Variants in SMG6 observed in about 807,000 individuals in gnomAD.
SMG6 encodes SMG6 nonsense mediated mRNA decay factor.
A neutral mutation model predicts 142.2 loss-of-function variants in SMG6; 66 were observed. The ratio of observed to expected loss-of-function variants is 0.46; its 90% CI spans 0.38 to 0.57. The LOEUF (loss-of-function observed/expected upper bound fraction) is 0.57. SMG6 is among the 20% of genes least tolerant of loss of function. SMG6 has a pLI of 0.00. For synonymous variants in SMG6, 779 were observed against 702.4 expected (o/e 1.11, Z -1.72); for missense variants, 1,793 against 1,832.0 (o/e 0.98, Z 0.39).
intron 8 of SMG6, among the ~76,000 whole-genome samples, chr17:2,259,202 G>A (rs181718290): frequency 9.9e-5 from 15 of 151,892 alleles, no homozygotes; most frequent in African/African-American, 2.9e-4. Context: ...TTCTTTCACC[G>A]AGAGACCACC....
At chr17:2,147,389 T>A (rs771950663) in intron 13 of SMG6, among the ~76,000 whole-genome samples, 69 of 151,746 alleles carry the variant, frequency 4.5e-4, no homozygotes, top group Non-Finnish European at 8.8e-4. Context: ...CAAGACTACA[T>A]CTCAAAAAAA....
intron 10 of SMG6, chr17:2,235,977 C>T (rs117944276): frequency 0.015 from 2,343 of 152,240 alleles, 26 homozygotes; most frequent in Non-Finnish European, 0.021. Flanking sequence ...TTTTGTGCTT[C>T]CAGATTTGAG....
intron 8 of SMG6, among the ~76,000 whole-genome samples, chr17:2,254,024 G>A (rs537806370): frequency 2.6e-5 from 4 of 152,332 alleles, no homozygotes; most frequent in African/African-American, 9.6e-5. Flanking sequence ...GTGACAATCT[G>A]TAACAACCAA....
chr17:2,087,064 G>A (rs945718452), intron 13 of SMG6: 2 of 1,290,348 alleles, frequency 1.5e-6, no homozygotes, highest in African/African-American at 1.5e-5. Flanking sequence ...AGCACATAGG[G>A]AAGTACTAAC....
chr17:2,157,319 G>A (rs1390478483), intron 13 of SMG6, among the ~76,000 whole-genome samples: 3 of 152,280 alleles, frequency 2.0e-5, no homozygotes, highest in African/African-American at 4.8e-5. Context: ...ACCAGGCCTC[G>A]CTCTGTTTTC....
At chr17:2,155,353 C>T (rs751062706) in intron 13 of SMG6, among the ~76,000 whole-genome samples, 1 of 151,870 alleles carries the variant, frequency 6.6e-6, no homozygotes, top group Non-Finnish European at 1.5e-5. Context: ...TGAGCCACGG[C>T]GAATGAACCA....
At chr17:2,226,565 C>T (rs540639041) in intron 10 of SMG6, among the ~76,000 whole-genome samples, 2 of 147,288 alleles carry the variant, frequency 1.4e-5, no homozygotes, top group Middle Eastern at 4.2e-3. Context: ...GGCGACAGTA[C>T]GAGACTCTGT....
rs2072000994 is a variant in SMG6, at chr17:2,186,781, A to G, written c.3037T>C (p.Ser1013Pro). Reference protein sequence around the residue: ...DQDDQDDIKVSSFVPDLKELL... With the variant: ...DQDDQDDIKVPSFVPDLKELL... Reference sequence around the variant, plus strand: ...TCCTTCAGGTCCGGGACAAAGGAAGACACCTTGATGTCGTCTTGGTCATCC... The same window carrying G: ...TCCTTCAGGTCCGGGACAAAGGAAGGCACCTTGATGTCGTCTTGGTCATCC... Residue 1013 changes from serine to proline, a missense_variant, in exon 12 of 19, where the codon TCT becomes CCT. By Grantham distance (74) the Ser-to-Pro change is moderately conservative. Coordinates refer to ENST00000263073, the MANE Select transcript of SMG6 (RefSeq NM_017575.5). The G allele has an allele frequency of 6.2e-7, 1 of 1,614,232 alleles. No homozygotes were observed. Among genetic ancestry groups the G allele is most frequent in the African/African-American group, 1.3e-5 (1 of 75,066 alleles).
At chr17:2,174,759 C>A (rs1234562988) in intron 12 of SMG6, among the ~76,000 whole-genome samples, 1 of 152,152 alleles carries the variant, frequency 6.6e-6, no homozygotes, top group Admixed American at 6.5e-5. Context: ...CCGGGTTTGG[C>A]TGTCAGAAAT....
chr17:2,116,935 G>T (rs2069525783), intron 13 of SMG6, among the ~76,000 whole-genome samples: 1 of 151,644 alleles, frequency 6.6e-6, no homozygotes, highest in Non-Finnish European at 1.5e-5. Flanking sequence ...CCCAGAAGAG[G>T]GTATTCAAAT....
chr17:2,091,059 C>G (rs1205088338), intron 13 of SMG6, among the ~76,000 whole-genome samples: 1 of 152,188 alleles, frequency 6.6e-6, no homozygotes, highest in Non-Finnish European at 1.5e-5. Flanking sequence ...AAATTTAACT[C>G]AGACTAATGT....
intron 10 of SMG6, among the ~76,000 whole-genome samples, chr17:2,227,163 T>C (rs994070312): frequency 2.6e-4 from 39 of 152,236 alleles, no homozygotes; most frequent in African/African-American, 8.4e-4. Context: ...GAAAACAGTT[T>C]AGCAGTTTCT....
Position 2,121,587 on chromosome 17 carries a change from C to G in SMG6, c.3358-35686G>C, listed in dbSNP as rs868864437. Among the ~76,000 whole-genome samples the G allele has an allele frequency of 2.4e-3, 329 of 139,836 alleles. 4 individuals are homozygous for G. Among genetic ancestry groups the G allele is most frequent in the South Asian group, 0.015 (61 of 4,142 alleles). 91.7% of individuals were successfully genotyped at this position (139,836 alleles called of 152,430 possible). On this transcript the variant is annotated intron_variant, in intron 13 of 18. Transcript: ENST00000263073. ...TATATGTATATATGTACATGTCTGT[C>G]TGTGTGTGTGTGTGTGTGTGTGTGT...
rs1390162820 is a variant in SMG6 at position 2,231,290 on chromosome 17, G to C, written c.2869+5202C>G. Among the ~76,000 whole-genome samples, 5 of 152,092 alleles carry C rather than the reference G, an allele frequency of 3.3e-5. No individual in the cohort carries two copies. The South Asian group carries it at 8.3e-4, about 25-fold the overall frequency. Reference sequence around the variant, plus strand: ...AAACATCCCACACCTACAAGTTAAAGCTATCAGTCCTATACAGACAGCTGT... The same window carrying C: ...AAACATCCCACACCTACAAGTTAAACCTATCAGTCCTATACAGACAGCTGT... On this transcript the variant is annotated intron_variant, in intron 10 of 18. Coordinates refer to ENST00000263073, the MANE Select transcript of SMG6 (RefSeq NM_017575.5).
At chr17:2,225,804 T>C (rs957845594) in intron 10 of SMG6, among the ~76,000 whole-genome samples, 3 of 152,058 alleles carry the variant, frequency 2.0e-5, no homozygotes, top group African/African-American at 7.2e-5. Context: ...AGACTAGTGC[T>C]GGGGGTAAGG....
chr17:2,236,656 C>G lies in SMG6; in HGVS notation c.2724-19G>C. On this transcript the variant is annotated intron_variant, in intron 9 of 18. Transcript: ENST00000263073. Reference sequence around the variant, plus strand: ...CTCCATCCTGCAGATTCAGAAAACCCATCAATGAGGCACCTCTCTCTTTCA... The same window carrying G: ...CTCCATCCTGCAGATTCAGAAAACCGATCAATGAGGCACCTCTCTCTTTCA... The G allele has an allele frequency of 6.2e-7, 1 of 1,600,700 alleles. No homozygotes were observed. The highest frequency in any genetic ancestry group is 8.5e-7 in the Non-Finnish European group (1 of 1,173,036).
At chr17:2,269,346 G>C (rs1414261944) in intron 8 of SMG6, among the ~76,000 whole-genome samples, 3 of 151,300 alleles carry the variant, frequency 2.0e-5, no homozygotes, top group Non-Finnish European at 1.5e-5. Context: ...AGCCGAGATC[G>C]TGCCGCTGCA....
At position 2,239,937 on chromosome 17, in the gene SMG6, A is replaced by G. The variant is rs544240060; in HGVS notation, c.2724-3300T>C. 5.3e-5 allele frequency: 8 copies of G among 152,356 alleles called. No homozygotes were observed. The East Asian group carries it at 9.6e-4, about 18-fold the overall frequency. 9.4% of individuals were successfully genotyped at this position (152,356 alleles called of 1,614,324 possible). A position where few individuals can be genotyped will look rare whatever the true frequency, so the allele number is the denominator to read the frequency against. ...TAAAGTGGTAACTGTGATCAAGGCA[A>G]TAAGAGGAAGCAAAAGCATACTATT... On this transcript the variant is annotated intron_variant, in intron 9 of 18. Transcript: ENST00000263073.
intron 13 of SMG6, chr17:2,087,311 A>T: frequency 8.1e-7 from 1 of 1,235,090 alleles, no homozygotes; most frequent in Non-Finnish European, 1.0e-6. Context: ...AAGACAGTGG[A>T]AATAAATGAG....
Sources: allele counts gnomAD v4.1 joint callset (sites outside exome capture counted in the v4.1 genomes callset), GRCh38; gene constraint gnomAD v4.1.1; transcripts MANE v1.5; gene names NCBI Gene and HGNC (gene_info 2026-07-23, HGNC 2026-07-21).